The following KCNH8 variants were observed in gnomAD, a reference collection of about 807,000 sequenced individuals.
KCNH8 encodes potassium voltage-gated channel subfamily H member 8, also known as voltage-gated delayed rectifier potassium channel KCNH8.
KCNH8 carries 70 observed loss-of-function variants against 103.6 expected under a neutral mutation model. The observed-to-expected ratio is 0.68, with a 90% CI of 0.56 to 0.82. KCNH8 has a LOEUF of 0.82. KCNH8 is among the 40% of genes least tolerant of loss of function. KCNH8 has a pLI of 0.00. For missense variants in KCNH8, 1,217 were observed against 1,329.9 expected (o/e 0.92, Z 1.32); for synonymous variants, 498 against 489.4 (o/e 1.02, Z -0.23).
At chr3:19,214,853 C>G (rs1265133023) in intron 1 of KCNH8, among the ~76,000 whole-genome samples, 6 of 152,230 alleles carry the variant, frequency 3.9e-5, no homozygotes, top group Non-Finnish European at 2.9e-5. Flanking sequence ...GATACTCTTT[C>G]ACCTTCAACA....
At chr3:19,431,492 C>A (rs1000340759) in intron 7 of KCNH8, among the ~76,000 whole-genome samples, 3 of 152,120 alleles carry the variant, frequency 2.0e-5, no homozygotes, top group Admixed American at 1.3e-4. Context: ...TAATGCTGGC[C>A]TCCTTAGGAA....
intron 11 of KCNH8, among the ~76,000 whole-genome samples, chr3:19,494,554 A>G (rs555644327): frequency 5.3e-5 from 8 of 152,272 alleles, no homozygotes; most frequent in Admixed American, 4.6e-4. Context: ...AGTCTTGGGT[A>G]TATCTTTATC....
intron 3 of KCNH8, among the ~76,000 whole-genome samples, chr3:19,299,616 A>G (rs1172908113): frequency 3.9e-5 from 6 of 152,188 alleles, no homozygotes; most frequent in Non-Finnish European, 8.8e-5. Context: ...TATGTAACAC[A>G]CCTGCACTTG....
At chr3:19,156,681 G>A (rs1049831180) in intron 1 of KCNH8, among the ~76,000 whole-genome samples, 20 of 152,076 alleles carry the variant, frequency 1.3e-4, no homozygotes, top group African/African-American at 4.3e-4. Flanking sequence ...TTTGCTGACT[G>A]TAGTACTCTC....
In KCNH8 at chr3:19,283,347, G is replaced by C. The variant is rs967484000; in HGVS notation, c.442+2018G>C. 9.2e-5 allele frequency among the ~76,000 whole-genome samples: 14 copies of C among 152,110 alleles called. No homozygotes were observed. The South Asian group carries it at 2.9e-3, about 32-fold the overall frequency. On this transcript the variant is annotated intron_variant, in intron 3 of 15. Coordinates refer to ENST00000328405, the MANE Select transcript of KCNH8 (RefSeq NM_144633.3). ...TTGTGCTCAATAATATTTTCATTTTGCTTAGGGAACATGTACAATGTAAAG... is the reference window on the plus strand; with the variant it reads ...TTGTGCTCAATAATATTTTCATTTTCCTTAGGGAACATGTACAATGTAAAG...
intron 2 of KCNH8, among the ~76,000 whole-genome samples, chr3:19,262,344 A>G (rs532709775): frequency 2.6e-5 from 4 of 152,010 alleles, no homozygotes; most frequent in Non-Finnish European, 5.9e-5. Flanking sequence ...TTCTAATACT[A>G]AGAAGATATT....
chr3:19,437,194 G>C (rs2067211859), intron 7 of KCNH8, among the ~76,000 whole-genome samples: 1 of 152,022 alleles, frequency 6.6e-6, no homozygotes, highest in South Asian at 2.1e-4. Context: ...AAATCCTTAT[G>C]AATCTTATGA....
chr3:19,380,181 T>C (rs1399199396), intron 5 of KCNH8, among the ~76,000 whole-genome samples: 2 of 152,184 alleles, frequency 1.3e-5, no homozygotes, highest in African/African-American at 4.8e-5. Flanking sequence ...ACAGGAACAA[T>C]GTCTTTCCTT....
intron 7 of KCNH8, among the ~76,000 whole-genome samples, chr3:19,435,360 TAA>T (rs767771714): frequency 4.1e-4 from 62 of 152,312 alleles, no homozygotes; most frequent in Non-Finnish European, 7.8e-4. Flanking sequence ...TAACAATTCC[TAA>T]GTCTTTGTGA....
chr3:19,312,646 A>G (rs1321744300), intron 3 of KCNH8, among the ~76,000 whole-genome samples: 1 of 151,950 alleles, frequency 6.6e-6, no homozygotes, highest in Non-Finnish European at 1.5e-5. Flanking sequence ...TCTAAATAAA[A>G]TCTAGATTAA....
intron 5 of KCNH8, among the ~76,000 whole-genome samples, chr3:19,357,108 C>G (rs1348339773): frequency 1.3e-5 from 2 of 151,696 alleles, no homozygotes; most frequent in Non-Finnish European, 2.9e-5. Flanking sequence ...ATCTCACTTC[C>G]TGGTGTGAAG....
chr3:19,438,073 C>T, intron 7 of KCNH8, 91 bp from the exon 8 acceptor site: 2 of 985,672 alleles, frequency 2.0e-6, no homozygotes, highest in Admixed American at 2.0e-5. Context: ...AAATTATTAC[C>T]TCCCCAAATG....
chr3:19,152,540 C>T (rs1246732080), intron 1 of KCNH8, among the ~76,000 whole-genome samples: 2 of 152,086 alleles, frequency 1.3e-5, no homozygotes, highest in African/African-American at 4.8e-5. Flanking sequence ...CAAGAAGATT[C>T]CAATCAAAGT....
intron 11 of KCNH8, among the ~76,000 whole-genome samples, chr3:19,463,018 G>A (rs747941739): frequency 2.0e-5 from 3 of 152,008 alleles, no homozygotes; most frequent in African/African-American, 7.2e-5. Flanking sequence ...ATGTACACAC[G>A]TTTTTTCTTA....
chr3:19,324,574 G>A lies in KCNH8; in HGVS notation c.443-18013G>A, dbSNP rs545989524. Among the ~76,000 whole-genome samples, 54 of 152,160 alleles carry A rather than the reference G, an allele frequency of 3.5e-4. No homozygotes were observed. In the South Asian group the frequency reaches 0.01, roughly 29 times the overall value. ...CACAGAATCAAACCTTACCATGAAC[G>A]AATTCTCACTCACAGTTGCTACAAA... On this transcript the variant is annotated intron_variant, in intron 3 of 15. Coordinates refer to ENST00000328405, the MANE Select transcript of KCNH8 (RefSeq NM_144633.3).
chr3:19,347,567 G>A (rs1157540490), intron 4 of KCNH8, among the ~76,000 whole-genome samples, 158 bp from the exon 5 acceptor site: 1 of 152,026 alleles, frequency 6.6e-6, no homozygotes, highest in Non-Finnish European at 1.5e-5. Flanking sequence ...AGTTTTAGAT[G>A]TTTAGATGCT....
At chr3:19,422,394 A>G (rs1314554706) in intron 7 of KCNH8, among the ~76,000 whole-genome samples, 1 of 152,118 alleles carries the variant, frequency 6.6e-6, no homozygotes, top group African/African-American at 2.4e-5. Flanking sequence ...AGAAAAGGTG[A>G]AAAAAGAACT....
At chr3:19,334,318 A>C (rs2065552613) in intron 3 of KCNH8, among the ~76,000 whole-genome samples, 1 of 152,118 alleles carries the variant, frequency 6.6e-6, no homozygotes, top group Non-Finnish European at 1.5e-5. Flanking sequence ...CAGCAAGCAG[A>C]ACCTGTCTTT....
intron 4 of KCNH8, among the ~76,000 whole-genome samples, chr3:19,342,971 T>C (rs1201885891): frequency 2.6e-5 from 4 of 152,120 alleles, no homozygotes; most frequent in Non-Finnish European, 5.9e-5. Context: ...AATATGGTAC[T>C]AGGGACACTG....
Sources: gnomAD v4.1 joint callset for allele counts (sites outside exome capture counted in the v4.1 genomes callset) on GRCh38, gnomAD v4.1.1 for gene constraint, MANE v1.5 for transcripts, NCBI Gene and HGNC (gene_info 2026-07-23, HGNC 2026-07-21) for gene names.